Variants in ARHGAP20 observed in about 807,000 individuals in gnomAD.
ARHGAP20 encodes the protein rho GTPase-activating protein 20.
In ARHGAP20, 34 loss-of-function variants were observed where a neutral mutation model predicts 73.7. That is an observed-to-expected ratio of 0.46 (90% CI 0.35 to 0.61). The LOEUF (loss-of-function observed/expected upper bound fraction) is 0.61, where lower values mean the gene tolerates loss of function less well. ARHGAP20 is among the 20% of genes least tolerant of loss of function. The pLI, the probability that ARHGAP20 is intolerant of heterozygous loss-of-function variation, is 0.00. For missense variants in ARHGAP20, 1,314 were observed against 1,420.9 expected (o/e 0.92, Z 1.21); for synonymous variants, 523 against 518.2 (o/e 1.01, Z -0.13).
At chr11:110,686,070 C>T (rs1379690949) in intron 2 of ARHGAP20, among the ~76,000 whole-genome samples, 1 of 152,016 alleles carries the variant, frequency 6.6e-6, no homozygotes, top group Non-Finnish European at 1.5e-5. Flanking sequence ...TTATTTGTAA[C>T]AACTTTGGAA....
At chr11:110,658,654 G>T (rs892270100) in intron 2 of ARHGAP20, among the ~76,000 whole-genome samples, 1 of 152,126 alleles carries the variant, frequency 6.6e-6, no homozygotes, top group South Asian at 2.1e-4. Flanking sequence ...GTTTAGCCCA[G>T]GTTTACATAA....
chr11:110,652,288 T>C (rs923512148), intron 2 of ARHGAP20, among the ~76,000 whole-genome samples: 1 of 152,142 alleles, frequency 6.6e-6, no homozygotes, highest in Non-Finnish European at 1.5e-5. Flanking sequence ...TCATACTGAA[T>C]GGGCAAAAGC....
chr11:110,597,991 G>A (rs1948013646), intron 9 of ARHGAP20, among the ~76,000 whole-genome samples: 1 of 152,178 alleles, frequency 6.6e-6, no homozygotes, highest in Non-Finnish European at 1.5e-5. Flanking sequence ...AGTAAATCTA[G>A]TTTTCCTAAA....
chr11:110,580,633 A>AT lies in ARHGAP20; in HGVS notation c.2312dup (p.Asn771LysfsTer8). The AT allele has an allele frequency of 6.2e-7, 1 of 1,614,174 alleles. No individual in the cohort carries two copies. Among genetic ancestry groups the AT allele is most frequent in the Non-Finnish European group, 8.5e-7 (1 of 1,180,028 alleles). On this transcript the variant is annotated frameshift_variant, in exon 15 of 15. Coordinates refer to ENST00000683387, the MANE Select transcript of ARHGAP20 (RefSeq NM_001384657.1). LOFTEE classifies it low-confidence loss of function (END_TRUNC). ...TCTTCTTAGTGTTTTGAGTAGTGGC[A>AT]TTTTTCTTGCTGACATCAGTGCCTG... is the stretch of plus-strand genomic sequence containing the variant.
intron 1 of ARHGAP20, among the ~76,000 whole-genome samples, chr11:110,700,235 GA>G (rs571417220): frequency 6.6e-5 from 10 of 151,680 alleles, no homozygotes; most frequent in South Asian, 6.3e-4. Context: ...ACTTTATGAG[GA>G]AAAAAAATCA....
At chr11:110,606,439 T>G (rs544796044) in intron 9 of ARHGAP20, 122 bp downstream of exon 9, 18 of 1,090,342 alleles carry the variant, frequency 1.7e-5, no homozygotes, top group Admixed American at 1.6e-4. Context: ...AAGTCCATCT[T>G]TCCTTTTCAA....
intron 1 of ARHGAP20, 63 bp downstream of exon 1, chr11:110,712,064 G>A (rs1358161846): frequency 3.0e-5 from 38 of 1,249,594 alleles, no homozygotes; most frequent in Admixed American, 8.5e-5. Context: ...GGGCGCGGAG[G>A]GCGCGCGCCG....
intron 2 of ARHGAP20, among the ~76,000 whole-genome samples, chr11:110,643,643 A>AT (rs111978481): frequency 3.2e-4 from 49 of 151,206 alleles, no homozygotes; most frequent in African/African-American, 8.7e-4. Context: ...GCTTTGTATG[A>AT]TTTTTTTTTA....
At chr11:110,667,830 A>G (rs769869506) in intron 2 of ARHGAP20, among the ~76,000 whole-genome samples, 1 of 152,214 alleles carries the variant, frequency 6.6e-6, no homozygotes, top group Non-Finnish European at 1.5e-5. Flanking sequence ...GGGGGAAGTC[A>G]CTGCAAATGT....
chr11:110,673,232 A>G (rs1392120837), intron 2 of ARHGAP20, among the ~76,000 whole-genome samples: 1 of 152,210 alleles, frequency 6.6e-6, no homozygotes, highest in African/African-American at 2.4e-5. Context: ...GCAAGAAACT[A>G]ATAAGAAGAA....
rs141190510 is a variant in ARHGAP20 at position 110,592,825 on chromosome 11, T to C, written c.965-670A>G. ...TAATGTCCTAAAGTTTTTTCCTTTCTTTGCAACTGTAGACTTTTATGTTTC... is the reference window on the plus strand; with the variant it reads ...TAATGTCCTAAAGTTTTTTCCTTTCCTTGCAACTGTAGACTTTTATGTTTC... On this transcript the variant is annotated intron_variant, in intron 9 of 14. Transcript: ENST00000683387. 5.3e-5 allele frequency among the ~76,000 whole-genome samples: 8 copies of C among 152,346 alleles called. No individual in the cohort carries two copies. In the East Asian group the frequency reaches 1.5e-3, roughly 29 times the overall value.
chr11:110,651,281 G>T (rs1055000287), intron 2 of ARHGAP20, among the ~76,000 whole-genome samples: 63 of 151,850 alleles, frequency 4.1e-4, no homozygotes, highest in Non-Finnish European at 6.5e-4. Flanking sequence ...ACATCAAAAA[G>T]CTAGACAGAT....
At chr11:110,677,008 G>A (rs1310683545) in intron 2 of ARHGAP20, among the ~76,000 whole-genome samples, 1 of 151,986 alleles carries the variant, frequency 6.6e-6, no homozygotes, top group Admixed American at 6.6e-5. Context: ...CAAAAACAAA[G>A]TTAGACTTGA....
In ARHGAP20 at chr11:110,580,467, A is replaced by T. The variant is rs1244943207; in HGVS notation, c.2479T>A (p.Tyr827Asn). Reference protein sequence around the residue: ...NQPFDVNTSGYSPPHTADALK... With the variant: ...NQPFDVNTSGNSPPHTADALK... ...GCATCTGCTGTGTGTGGTGGGGAGT[A>T]TCCAGATGTATTCACATCAAAGGGC... Residue 827 changes from tyrosine to asparagine, a missense_variant, in exon 15 of 15, where the codon TAC becomes AAC. By Grantham distance (143) the Tyr-to-Asn change is moderately radical. Coordinates refer to ENST00000683387, the MANE Select transcript of ARHGAP20 (RefSeq NM_001384657.1). 1 of 1,613,874 alleles carries T rather than the reference A, an allele frequency of 6.2e-7. No homozygotes were observed. Among genetic ancestry groups the T allele is most frequent in the Non-Finnish European group, 8.5e-7 (1 of 1,180,016 alleles).
At chr11:110,692,288 T>C (rs894121767) in intron 1 of ARHGAP20, among the ~76,000 whole-genome samples, 2 of 152,100 alleles carry the variant, frequency 1.3e-5, no homozygotes, top group African/African-American at 4.8e-5. Flanking sequence ...TACTGAAAGA[T>C]TGGATTGATT....
At chr11:110,650,115 T>C (rs992206292) in intron 2 of ARHGAP20, among the ~76,000 whole-genome samples, 1 of 152,170 alleles carries the variant, frequency 6.6e-6, no homozygotes, top group Non-Finnish European at 1.5e-5. Flanking sequence ...ATGTGCTACT[T>C]AGCACTTAAT....
chr11:110,608,900 G>A, intron 8 of ARHGAP20, 84 bp downstream of exon 8: 4 of 1,144,596 alleles, frequency 3.5e-6, no homozygotes, highest in Non-Finnish European at 5.2e-6. Flanking sequence ...TTTAAGCTTA[G>A]GACCATATGA....
rs887537282 is a variant in ARHGAP20, at chr11:110,687,874, G to A, written c.188+2673C>T. Among the ~76,000 whole-genome samples the A allele has an allele frequency of 7.2e-5, 11 of 152,234 alleles. No individual in the cohort carries two copies. In the East Asian group the frequency reaches 2.1e-3, roughly 29 times the overall value. On this transcript the variant is annotated intron_variant, in intron 2 of 14. Coordinates refer to ENST00000683387, the MANE Select transcript of ARHGAP20 (RefSeq NM_001384657.1). ...ACAATTAATATATTCAAATTTAAGA[G>A]AAGTCAGATAAGAAATTTCATGTAA... is the stretch of plus-strand genomic sequence containing the variant.
At chr11:110,639,603 C>T (rs1472031529) in intron 2 of ARHGAP20, among the ~76,000 whole-genome samples, 1 of 151,878 alleles carries the variant, frequency 6.6e-6, no homozygotes, top group Non-Finnish European at 1.5e-5. Context: ...AGCAGTCATT[C>T]CCCATTCCCC....
Sources: gnomAD v4.1 joint callset for allele counts (sites outside exome capture counted in the v4.1 genomes callset) on GRCh38, gnomAD v4.1.1 for gene constraint, MANE v1.5 for transcripts, NCBI Gene and HGNC (gene_info 2026-07-23, HGNC 2026-07-21) for gene names.